The following ETV3 variants were observed in gnomAD, a reference collection of about 807,000 sequenced individuals.
ETV3 encodes the protein ETS translocation variant 3.
In ETV3, 8 loss-of-function variants were observed where a neutral mutation model predicts 33.0. The observed-to-expected ratio is 0.24, with a 90% CI of 0.14 to 0.44. ETV3 has a LOEUF of 0.44. Among genes scored for constraint, ETV3 ranks in the 20% least tolerant of loss-of-function variants. The pLI is 1.00. For synonymous variants in ETV3, 222 were observed against 238.9 expected, an observed-to-expected ratio of 0.93 and a Z score of 0.65; for missense variants, 473 against 652.3, an observed-to-expected ratio of 0.73 and a Z score of 2.99.
chr1:157,135,410 C>CA, intron 3 of ETV3, 61 bp downstream of exon 3: 1 of 1,583,610 alleles, frequency 6.3e-7, no homozygotes, highest in South Asian at 1.1e-5. Flanking sequence ...ATCTAGCATT[C>CA]ACCAAACAGC....
chr1:157,133,520 G>A (rs1675022460), intron 4 of ETV3: 1 of 985,770 alleles, frequency 1.0e-6, no homozygotes, highest in Non-Finnish European at 1.2e-6. Flanking sequence ...GCTATAACCA[G>A]GAAAGTCAAG....
chr1:157,124,692 A>G lies in ETV3; in HGVS notation c.*149T>C, dbSNP rs1458352320. 8 of 791,664 alleles carry G rather than the reference A, an allele frequency of 1.0e-5. No homozygotes were observed. The East Asian group carries it at 2.2e-4, about 22-fold the overall frequency. 49.0% of individuals were successfully genotyped at this position (791,664 alleles called of 1,614,324 possible). A position where few individuals can be genotyped will look rare whatever the true frequency, so the allele number is the denominator to read the frequency against. On this transcript the variant is annotated 3_prime_UTR_variant, in exon 5 of 5. Coordinates refer to ENST00000368192, the MANE Select transcript of ETV3 (RefSeq NM_001145312.3). Reference sequence around the variant, plus strand: ...CTAATTTACAACAGAAGATAACCCCATCCCATCCCCAAAACATAAAAATAC... The same window carrying G: ...CTAATTTACAACAGAAGATAACCCCGTCCCATCCCCAAAACATAAAAATAC...
rs896880725 is a variant in ETV3 at position 157,123,652 on chromosome 1, C to G, written c.*1189G>C. 3.3e-5 allele frequency: 5 copies of G among 152,236 alleles called. No individual in the cohort carries two copies. The highest frequency in any genetic ancestry group is 9.6e-5 in the African/African-American group (4 of 41,458). The allele number at this position is 152,236 out of a possible 1,614,324, so 9.4% of individuals were successfully genotyped here. ...TTGGCTCTTAACTCCCACAAGCCTGCCTTTTGGCTACCCATCCCAACAATA... is the reference window on the plus strand; with the variant it reads ...TTGGCTCTTAACTCCCACAAGCCTGGCTTTTGGCTACCCATCCCAACAATA... On this transcript the variant is annotated 3_prime_UTR_variant, in exon 5 of 5. Transcript: ENST00000368192.
At chr1:157,135,334 T>G (rs960342124) in intron 3 of ETV3, 137 bp downstream of exon 3, 5 of 1,056,702 alleles carry the variant, frequency 4.7e-6, no homozygotes, top group Admixed American at 4.8e-5. Context: ...GCTCTTCTAC[T>G]CCCACTTTAA....
Position 157,125,780 on chromosome 1 carries a change from A to G in ETV3, c.600T>C (p.Ala200=), listed in dbSNP as rs1462432859. Reference sequence around the variant, plus strand: ...CGGGATCCACACCCCGGCGCCAGTCAGCAGCTGAGCCATCCTCCAGCTCTG... The same window carrying G: ...CGGGATCCACACCCCGGCGCCAGTCGGCAGCTGAGCCATCCTCCAGCTCTG... ...ELSELEDGSA[A]DWRRGVDPVS... The change falls in exon 5 of 5, where the codon GCT becomes GCC. Residue 200 remains alanine, a synonymous_variant. Transcript: ENST00000368192. This position sits in a 1 kb window ranked among gnomAD's most constrained non-coding sequence, Gnocchi z 4.0. The G allele has an allele frequency of 4.5e-6, 7 of 1,551,602 alleles. No individual in the cohort carries two copies. The South Asian group carries it at 8.3e-5, about 18-fold the overall frequency.
chr1:157,130,607 C>T (rs947075275), intron 4 of ETV3, among the ~76,000 whole-genome samples: 3 of 152,096 alleles, frequency 2.0e-5, no homozygotes, highest in Non-Finnish European at 4.4e-5. Flanking sequence ...GCCTAGGTTC[C>T]AATCTTGGTC....
In ETV3 at chr1:157,121,458, GTAAC is replaced by G. The variant is rs1365965488; in HGVS notation, c.*3379_*3382del. 2 of 152,250 alleles carry G rather than the reference GTAAC, an allele frequency of 1.3e-5. No homozygotes were observed. The highest frequency in any genetic ancestry group is 3.9e-4 in the East Asian group (2 of 5,184). 9.4% of individuals were successfully genotyped at this position (152,250 alleles called of 1,614,324 possible). A position where few individuals can be genotyped will look rare whatever the true frequency, so the allele number is the denominator to read the frequency against. On this transcript the variant is annotated 3_prime_UTR_variant, in exon 5 of 5. Coordinates refer to ENST00000368192, the MANE Select transcript of ETV3 (RefSeq NM_001145312.3). ...TACACACTTTACTCTGCTCAAGCAG[GTAAC>G]TAGTGAAGTCACCTTTCACATGTAA... is the stretch of plus-strand genomic sequence containing the variant.
chr1:157,135,423 A>C (rs1324949374), intron 3 of ETV3, 48 bp downstream of exon 3: 3 of 1,600,180 alleles, frequency 1.9e-6, no homozygotes, highest in Non-Finnish European at 2.6e-6. Flanking sequence ...CAAACAGCTT[A>C]GTCTCCTTCC....
rs370510048 is a variant in ETV3, at chr1:157,122,804, A to G, written c.*2037T>C. The stretch of plus-strand genomic sequence containing the variant: ...GAAAGAAACTTACAAAAGCACAACC[A>G]CCAAAGGCAGCCTGAACGGGGAGCC... On this transcript the variant is annotated 3_prime_UTR_variant, in exon 5 of 5. Transcript: ENST00000368192. 1.8e-4 allele frequency: 27 copies of G among 152,262 alleles called. No homozygotes were observed. The highest frequency in any genetic ancestry group is 6.3e-4 in the African/African-American group (26 of 41,534). The allele number at this position is 152,262 out of a possible 1,614,324, so 9.4% of individuals were successfully genotyped here.
At chr1:157,129,107 A>G (rs1382267936) in intron 4 of ETV3, among the ~76,000 whole-genome samples, 3 of 152,242 alleles carry the variant, frequency 2.0e-5, no homozygotes, top group Admixed American at 6.5e-5. Flanking sequence ...TTTGCCTCTT[A>G]AAGGCAAGGG....
chr1:157,135,789 G>A, intron 2 of ETV3, 81 bp from the exon 3 acceptor site: 1 of 1,363,610 alleles, frequency 7.3e-7, no homozygotes. Context: ...ACATTCCACT[G>A]CTCAGAATCT....
In ETV3 at chr1:157,124,720, G is replaced by T; in HGVS notation, c.*121C>A. On this transcript the variant is annotated 3_prime_UTR_variant, in exon 5 of 5. Transcript: ENST00000368192. ...CCATCCCCAAAACATAAAAATACAAGTCTATGCCCCTAGAATGATCAAACC... is the reference window on the plus strand; with the variant it reads ...CCATCCCCAAAACATAAAAATACAATTCTATGCCCCTAGAATGATCAAACC... The T allele has an allele frequency of 2.0e-6, 2 of 1,018,436 alleles. No homozygotes were observed. The highest frequency in any genetic ancestry group is 2.8e-6 in the Non-Finnish European group (2 of 723,336). The allele number at this position is 1,018,436 out of a possible 1,614,324, so 63.1% of individuals were successfully genotyped here. A position where few individuals can be genotyped will look rare whatever the true frequency, so the allele number is the denominator to read the frequency against.
chr1:157,134,161 G>A lies in ETV3; in HGVS notation c.351C>T (p.Phe117=). 1 of 1,613,988 alleles carries A rather than the reference G, an allele frequency of 6.2e-7. No homozygotes were observed. Among genetic ancestry groups the A allele is most frequent in the Non-Finnish European group, 8.5e-7 (1 of 1,179,942 alleles). The change falls in exon 4 of 5, where the codon TTC becomes TTT. Residue 117 remains phenylalanine, a synonymous_variant. Transcript: ENST00000368192. ...GGTAGTTGGGCATCACCAGCTTGTT[G>A]AAGTTAAATTTATAGGTAAATCTTT... ...KGKRFTYKFN[F]NKLVMPNYPF...
At chr1:157,132,719 G>C (rs1290698397) in intron 4 of ETV3, among the ~76,000 whole-genome samples, 1 of 151,000 alleles carries the variant, frequency 6.6e-6, no homozygotes, top group Middle Eastern at 3.2e-3. Flanking sequence ...AAAACAGGTT[G>C]TAATTAGAGA....
chr1:157,127,584 T>C (rs1473702881), intron 4 of ETV3, among the ~76,000 whole-genome samples: 1 of 151,584 alleles, frequency 6.6e-6, no homozygotes, highest in Non-Finnish European at 1.5e-5. Flanking sequence ...TTCACTCTGT[T>C]GCCCAGGCTG....
Position 157,125,516 on chromosome 1 carries a change from G to A in ETV3, c.864C>T (p.Ser288=). The A allele has an allele frequency of 6.4e-7, 1 of 1,552,166 alleles. No individual in the cohort carries two copies. The highest frequency in any genetic ancestry group is 8.7e-7 in the Non-Finnish European group (1 of 1,147,096). The change falls in exon 5 of 5, where the codon AGC becomes AGT. Residue 288 remains serine, a synonymous_variant. Transcript: ENST00000368192. This position sits in a 1 kb window ranked among gnomAD's most constrained non-coding sequence, Gnocchi z 4.0. ...CCTCAGGGTTGAAGGAGAAGCAGCT[G>A]CTGCTGGTGAAAGGGCTCAGGCCTG... ...PSPGLSPFTS[S]SCFSFNPEEM...
Position 157,125,187 on chromosome 1 carries a change from C to G in ETV3, c.1193G>C (p.Arg398Pro). Residue 398 changes from arginine (R) to proline (P), a missense_variant, in exon 5 of 5, where the codon CGA becomes CCA. Around this residue, in one of 3 missense-constraint regions of ETV3, gnomAD observed 410 missense variants for 520.2 expected, o/e 0.79. Transcript: ENST00000368192. The surrounding 1 kb of genome is among the most constrained non-coding windows in gnomAD (Gnocchi z 4.0). ...KDPESLRQSAREKEEHTQEEG... is the reference protein window; with the variant it reads ...KDPESLRQSAPEKEEHTQEEG... ...TTCTTGAGTGTGCTCCTCCTTCTCTCGTGCCGACTGCCTGAGGCTCTCAGG... is the reference window on the plus strand; with the variant it reads ...TTCTTGAGTGTGCTCCTCCTTCTCTGGTGCCGACTGCCTGAGGCTCTCAGG... 1 of 1,552,108 alleles carries G rather than the reference C, an allele frequency of 6.4e-7. No individual in the cohort carries two copies. The highest frequency in any genetic ancestry group is 8.7e-7 in the Non-Finnish European group (1 of 1,147,062).
intron 4 of ETV3, among the ~76,000 whole-genome samples, chr1:157,131,743 G>A (rs980286871): frequency 4.6e-5 from 7 of 152,136 alleles, no homozygotes; most frequent in Non-Finnish European, 8.8e-5. Flanking sequence ...GTTGAATAAC[G>A]TAATTCACAA....
Position 157,124,476 on chromosome 1 carries a change from CATACAA to C in ETV3, c.*359_*364del, listed in dbSNP as rs1254966142. On this transcript the variant is annotated 3_prime_UTR_variant, in exon 5 of 5. Coordinates refer to ENST00000368192, the MANE Select transcript of ETV3 (RefSeq NM_001145312.3). ...AAATAAATTCATTAATGGCTTTCCACATACAAATACAATAGAAAAGAAAGAAGTCTG... is the reference window on the plus strand; with the variant it reads ...AAATAAATTCATTAATGGCTTTCCACATACAATAGAAAAGAAAGAAGTCTG... 1 of 173,002 alleles carries C rather than the reference CATACAA, an allele frequency of 5.8e-6. No individual in the cohort carries two copies. Among genetic ancestry groups the C allele is most frequent in the Non-Finnish European group, 1.2e-5 (1 of 82,090 alleles). 10.7% of individuals were successfully genotyped at this position (173,002 alleles called of 1,614,324 possible).
Sources: gnomAD v4.1 joint callset for allele counts (sites outside exome capture counted in the v4.1 genomes callset) on GRCh38, gnomAD v4.1.1 for gene constraint, gnomAD v4.1.1 regional missense constraint, Gnocchi (gnomAD v3.1) non-coding constraint, MANE v1.5 for transcripts, NCBI Gene and HGNC (gene_info 2026-07-23, HGNC 2026-07-21) for gene names.